Variants in PARVB observed in about 807,000 individuals in gnomAD.
PARVB encodes the protein beta-parvin.
In PARVB, 46 loss-of-function variants were observed where a neutral mutation model predicts 47.0. That is an observed-to-expected ratio of 0.98 (90% CI 0.77 to 1.25). The LOEUF (loss-of-function observed/expected upper bound fraction) is 1.25. PARVB is among the 50% of genes most tolerant of loss of function. PARVB has a pLI of 0.00. For synonymous variants in PARVB, 196 were observed against 196.3 expected, an observed-to-expected ratio of 1.00 and a Z score of 0.01; for missense variants, 473 against 471.6, an observed-to-expected ratio of 1.00 and a Z score of -0.03.
chr22:44,120,786 A>G (rs1026239243), intron 4 of PARVB, among the ~76,000 whole-genome samples: 4 of 151,240 alleles, frequency 2.6e-5, no homozygotes, highest in South Asian at 4.2e-4. Flanking sequence ...AGTGATCCTC[A>G]CACCTTGGCC....
At chr22:44,034,235 A>G (rs889610540) in intron 1 of PARVB, among the ~76,000 whole-genome samples, 3 of 149,346 alleles carry the variant, frequency 2.0e-5, no homozygotes, top group Non-Finnish European at 3.0e-5. Context: ...TTCTTTATAC[A>G]TATATATTTG....
intron 6 of PARVB, 86 bp downstream of exon 6, chr22:44,133,095 CTTTT>C: frequency 1.2e-6 from 1 of 803,786 alleles, no homozygotes; most frequent in Non-Finnish European, 2.0e-6. Flanking sequence ...CCTCCCCCTC[CTTTT>C]TTCCCCCCAG....
At chr22:44,157,131 C>T (rs28610427) in intron 10 of PARVB, among the ~76,000 whole-genome samples, 31,453 of 152,206 alleles carry the variant, frequency 0.21, 3,402 homozygotes, top group Middle Eastern at 0.26. Flanking sequence ...TGTTGAATAG[C>T]AGCTCCAGAG....
At chr22:44,099,333 C>T (rs529530830) in intron 2 of PARVB, among the ~76,000 whole-genome samples, 155 of 152,300 alleles carry the variant, frequency 1.0e-3, no homozygotes, top group African/African-American at 3.4e-3. Context: ...GTGGAGCACG[C>T]CTAGCCTTGG....
At chr22:44,077,656 T>C (rs1290103291) in intron 1 of PARVB, among the ~76,000 whole-genome samples, 1 of 152,162 alleles carries the variant, frequency 6.6e-6, no homozygotes, top group Non-Finnish European at 1.5e-5. Context: ...TGGGAAGCTC[T>C]GCAGGGGATT....
chr22:44,075,041 G>A lies in PARVB; in HGVS notation c.113-18887G>A, dbSNP rs369050025. Among the ~76,000 whole-genome samples, 6 of 152,330 alleles carry A rather than the reference G, an allele frequency of 3.9e-5. No homozygotes were observed. In the South Asian group the frequency reaches 1.0e-3, roughly 26 times the overall value. On this transcript the variant is annotated intron_variant, in intron 1 of 12. Transcript: ENST00000338758. ...AGCGGCATCCCTGGCCTCTACACAC[G>A]AGGTGTCAGTTGTGACAACCCAAAG...
chr22:44,032,621 GA>G (rs971831803), intron 1 of PARVB, among the ~76,000 whole-genome samples: 3 of 152,150 alleles, frequency 2.0e-5, no homozygotes, highest in African/African-American at 7.2e-5. Context: ...GTGGTGTAAG[GA>G]AGGAAAGCCT....
At chr22:44,032,087 G>A (rs2246843) in intron 1 of PARVB, among the ~76,000 whole-genome samples, 74,392 of 152,012 alleles carry the variant, frequency 0.49, 18,416 homozygotes, top group East Asian at 0.65. Flanking sequence ...TGGCCCAATG[G>A]TATTAATTTG....
At chr22:44,020,558 C>A (rs556725174), upstream of PARVB, among the ~76,000 whole-genome samples, 1 of 152,140 alleles carries the variant, frequency 6.6e-6, no homozygotes, top group African/African-American at 2.4e-5. Context: ...GATTCTTACC[C>A]CCCTCAGGTT....
At chr22:44,094,744 G>C (rs1232899127) in intron 2 of PARVB, among the ~76,000 whole-genome samples, 3 of 151,710 alleles carry the variant, frequency 2.0e-5, no homozygotes, top group Non-Finnish European at 4.4e-5. Flanking sequence ...TCCTGCCTCG[G>C]TTTCCCAAAG....
At chr22:44,017,741 C>T (rs546345025) in intron 2 of PARVB, among the ~76,000 whole-genome samples, 3 of 152,310 alleles carry the variant, frequency 2.0e-5, no homozygotes, top group South Asian at 4.1e-4. Flanking sequence ...CTCTGGACCT[C>T]GGCTTTTGCC....
chr22:44,078,560 C>G (rs1601568726), intron 1 of PARVB, among the ~76,000 whole-genome samples: 1 of 152,250 alleles, frequency 6.6e-6, no homozygotes, highest in Non-Finnish European at 1.5e-5. Context: ...CCCTGAATAA[C>G]CAGGCTAATC....
intron 2 of PARVB, among the ~76,000 whole-genome samples, chr22:44,005,334 A>G (rs1378605520): frequency 6.6e-6 from 1 of 150,612 alleles, no homozygotes. Context: ...GCTGGTGTCA[A>G]ACTCCTGGGC....
At position 44,103,942 on chromosome 22, in the gene PARVB, A is replaced by C. The variant is rs1317730940; in HGVS notation, c.273+3819A>C. ...TTTAGCCCAGTGGAACAGATTTTGG[A>C]CTTTGACCTCTAGGACTGCAAGAGA... On this transcript the variant is annotated intron_variant, in intron 3 of 12. Transcript: ENST00000338758. This position sits in a 1 kb window ranked among gnomAD's most constrained non-coding sequence, Gnocchi z 4.6. 3 of 152,272 alleles carry C rather than the reference A, an allele frequency of 2.0e-5. No individual in the cohort carries two copies. Among genetic ancestry groups the C allele is most frequent in the African/African-American group, 7.2e-5 (3 of 41,448 alleles). The allele number at this position is 152,272 out of a possible 1,614,324, so 9.4% of individuals were successfully genotyped here.
At chr22:44,154,210 T>C (rs2053869535) in intron 10 of PARVB, among the ~76,000 whole-genome samples, 1 of 152,232 alleles carries the variant, frequency 6.6e-6, no homozygotes, top group African/African-American at 2.4e-5. Context: ...CTTCATTTTT[T>C]TCCCCCCGAT....
chr22:44,158,140 G>C, intron 11 of PARVB, 57 bp downstream of exon 11: 1 of 1,180,856 alleles, frequency 8.5e-7, no homozygotes, highest in Non-Finnish European at 1.3e-6. Context: ...TTGAAATGCA[G>C]AGCATAGACT....
chr22:44,048,809 C>T (rs936266855), intron 1 of PARVB, among the ~76,000 whole-genome samples: 2 of 152,154 alleles, frequency 1.3e-5, no homozygotes, highest in Non-Finnish European at 2.9e-5. Context: ...ATCCGCCTGC[C>T]TCGGCCTCTC....
Position 44,172,889 on chromosome 22 carries a change from A to T in PARVB, c.*4211A>T, listed in dbSNP as rs942430764. The T allele has an allele frequency of 2.0e-6, 2 of 1,024,862 alleles. No homozygotes were observed. The highest frequency in any genetic ancestry group is 1.7e-5 in the African/African-American group (1 of 60,216). 63.5% of individuals were successfully genotyped at this position (1,024,862 alleles called of 1,614,324 possible). ...CCAGGGATGCGGTTAGGACAATGCC[A>T]CGTGGCGTCACAGTATGCTGTTATT... On this transcript the variant is annotated 3_prime_UTR_variant, in exon 13 of 13. Coordinates refer to ENST00000338758, the MANE Select transcript of PARVB (RefSeq NM_013327.5).
chr22:44,065,851 GTGTGTGCA>G (rs1156266499), intron 1 of PARVB, among the ~76,000 whole-genome samples: 2 of 139,906 alleles, frequency 1.4e-5, no homozygotes, highest in African/African-American at 5.8e-5. Flanking sequence ...TGGTGTGTGT[GTGTGTGCA>G]TGTGTGTGTG....
Sources: allele counts gnomAD v4.1 joint callset (sites outside exome capture counted in the v4.1 genomes callset), GRCh38; gene constraint gnomAD v4.1.1; non-coding constraint Gnocchi (gnomAD v3.1); transcripts MANE v1.5; gene names NCBI Gene and HGNC (gene_info 2026-07-23, HGNC 2026-07-21).